The following GPAT3 variants were observed in gnomAD, a reference collection of about 807,000 sequenced individuals.
GPAT3 encodes 1-AGP acyltransferase 9.
GPAT3 carries 53 observed loss-of-function variants against 58.8 expected under a neutral mutation model. That is an observed-to-expected ratio of 0.90 (90% CI 0.72 to 1.13). GPAT3 has a LOEUF of 1.13. Ranked by LOEUF, GPAT3 falls within the 50% of genes most tolerant of loss-of-function variation. The pLI, the probability that GPAT3 is intolerant of heterozygous loss-of-function variation, is 0.00. For synonymous variants in GPAT3, 197 were observed against 187.4 expected (o/e 1.05, Z -0.42); for missense variants, 511 against 527.6 (o/e 0.97, Z 0.31).
intron 2 of GPAT3, among the ~76,000 whole-genome samples, chr4:83,549,865 G>A (rs1345821089): frequency 2.0e-5 from 3 of 151,940 alleles, no homozygotes; most frequent in African/African-American, 4.8e-5. Flanking sequence ...TGGGATTACA[G>A]GCATGCACCA....
At chr4:83,547,097 G>C (rs1724549199) in intron 2 of GPAT3, among the ~76,000 whole-genome samples, 1 of 151,972 alleles carries the variant, frequency 6.6e-6, no homozygotes, top group Non-Finnish European at 1.5e-5. Context: ...CCAAAGTTTA[G>C]GCAAGGGTCA....
intron 3 of GPAT3, among the ~76,000 whole-genome samples, chr4:83,583,838 G>A (rs956387504): frequency 3.9e-5 from 6 of 151,994 alleles, no homozygotes; most frequent in Admixed American, 1.3e-4. Flanking sequence ...AGCCAGGTGT[G>A]GTGGCACATG....
intron 2 of GPAT3, among the ~76,000 whole-genome samples, chr4:83,550,894 T>G (rs1724725606): frequency 6.6e-6 from 1 of 152,234 alleles, no homozygotes; most frequent in East Asian, 1.9e-4. Flanking sequence ...TAGAGTACTG[T>G]GCATTTTAAT....
chr4:83,601,068 A>C (rs1727037696), intron 11 of GPAT3, among the ~76,000 whole-genome samples: 1 of 152,190 alleles, frequency 6.6e-6, no homozygotes. Flanking sequence ...CTCTCGAAGA[A>C]GGGCTGGCTA....
rs113323142 is a variant in GPAT3, at chr4:83,595,713, T to TA, written c.854+765dup. ...TAGGCAACAGGGGGAGACCTTGTCT[T>TA]AAAAAAAAAAAAGAAGATCCAGCTA... On this transcript the variant is annotated intron_variant, in intron 7 of 11. Coordinates refer to ENST00000264409, the MANE Select transcript of GPAT3 (RefSeq NM_032717.5). 3.3e-3 allele frequency among the ~76,000 whole-genome samples: 469 copies of TA among 143,640 alleles called. 2 individuals are homozygous for TA. The highest frequency in any genetic ancestry group is 9.2e-3 in the African/African-American group (361 of 39,314). The allele number at this position is 143,640 out of a possible 152,430, so 94.2% of individuals were successfully genotyped here. A position where few individuals can be genotyped will look rare whatever the true frequency, so the allele number is the denominator to read the frequency against.
At chr4:83,585,624 T>G (rs1021035326) in intron 3 of GPAT3, among the ~76,000 whole-genome samples, 1 of 152,018 alleles carries the variant, frequency 6.6e-6, no homozygotes, top group East Asian at 1.9e-4. Context: ...TCTTTTTTTT[T>G]TTTTGAGACA....
At chr4:83,554,965 G>A (rs1178663772) in intron 2 of GPAT3, among the ~76,000 whole-genome samples, 15 of 151,780 alleles carry the variant, frequency 9.9e-5, no homozygotes, top group Admixed American at 9.2e-4. Context: ...CACCATGCCC[G>A]GCTAATTTTT....
At chr4:83,574,882 G>GTTTT (rs1317801458) in intron 2 of GPAT3, among the ~76,000 whole-genome samples, 1 of 96,756 alleles carries the variant, frequency 1.0e-5, no homozygotes, top group Non-Finnish European at 2.2e-5. Context: ...TTTTTTTTTT[G>GTTTT]TTTTTTTTTT....
intron 6 of GPAT3, among the ~76,000 whole-genome samples, chr4:83,592,863 T>A (rs1032451350): frequency 2.2e-4 from 34 of 152,264 alleles, no homozygotes; most frequent in African/African-American, 7.9e-4. Context: ...AATATATTTA[T>A]ATTTAACATT....
chr4:83,537,591 A>ATGTGTGTGTGTG (rs113407081), intron 1 of GPAT3, among the ~76,000 whole-genome samples: 17 of 145,274 alleles, frequency 1.2e-4, no homozygotes, highest in African/African-American at 2.3e-4. Flanking sequence ...TATGTATAAT[A>ATGTGTGTGTGTG]TGTGTGTGTG....
chr4:83,579,200 C>G (rs1305466960), intron 2 of GPAT3, among the ~76,000 whole-genome samples: 2 of 134,024 alleles, frequency 1.5e-5, no homozygotes, highest in African/African-American at 5.7e-5. Flanking sequence ...TTATTTCTTT[C>G]TCTCTCTCCC....
chr4:83,553,002 C>T (rs1724811565), intron 2 of GPAT3, among the ~76,000 whole-genome samples: 1 of 152,152 alleles, frequency 6.6e-6, no homozygotes, highest in African/African-American at 2.4e-5. Context: ...CCACTGGCCC[C>T]CTGATCTTGG....
chr4:83,552,389 C>T (rs1375918540), intron 2 of GPAT3, among the ~76,000 whole-genome samples: 4 of 152,176 alleles, frequency 2.6e-5, no homozygotes, highest in Non-Finnish European at 5.9e-5. Flanking sequence ...ATTTGTGAAT[C>T]ACTGCTCCTA....
chr4:83,579,768 T>G (rs1726035941), intron 2 of GPAT3, among the ~76,000 whole-genome samples: 1 of 152,234 alleles, frequency 6.6e-6, no homozygotes, highest in South Asian at 2.1e-4. Flanking sequence ...GTGGTTGTCC[T>G]AAACAGGACT....
intron 2 of GPAT3, 68 bp downstream of exon 2, chr4:83,544,670 G>A: frequency 6.9e-7 from 1 of 1,441,806 alleles, no homozygotes; most frequent in Non-Finnish European, 9.7e-7. Context: ...TACCCAATTT[G>A]AACTTGAAAT....
chr4:83,559,812 T>C (rs754758858), intron 2 of GPAT3, among the ~76,000 whole-genome samples: 1 of 152,114 alleles, frequency 6.6e-6, no homozygotes, highest in Admixed American at 6.6e-5. Context: ...GGGGGGCAGG[T>C]GGCAAGGCAT....
intron 2 of GPAT3, among the ~76,000 whole-genome samples, chr4:83,580,559 T>C (rs1726071214): frequency 6.6e-6 from 1 of 152,200 alleles, no homozygotes; most frequent in South Asian, 2.1e-4. Flanking sequence ...CCAAACCAAC[T>C]TTGACAAAGT....
intron 11 of GPAT3, among the ~76,000 whole-genome samples, chr4:83,602,601 T>G (rs1435490306): frequency 3.7e-5 from 4 of 108,802 alleles, no homozygotes; most frequent in Admixed American, 2.9e-4. Context: ...TTGGATAAAA[T>G]TTTGAAGTCT....
chr4:83,571,705 CACATATAT>C (rs1725612469), intron 2 of GPAT3, among the ~76,000 whole-genome samples: 1 of 102,304 alleles, frequency 9.8e-6, no homozygotes, highest in East Asian at 4.0e-4. Flanking sequence ...TATACACACA[CACATATAT>C]ATACACACAC....
Sources: gnomAD v4.1 joint callset for allele counts (sites outside exome capture counted in the v4.1 genomes callset) on GRCh38, gnomAD v4.1.1 for gene constraint, MANE v1.5 for transcripts, NCBI Gene and HGNC (gene_info 2026-07-23, HGNC 2026-07-21) for gene names.